Variants in CAPN15 observed in about 807,000 individuals in gnomAD.
CAPN15 encodes the protein calpain-15.
A neutral mutation model predicts 97.9 loss-of-function variants in CAPN15; 53 were observed. The observed-to-expected ratio is 0.54, with a 90% confidence interval of 0.43 to 0.68. The LOEUF (loss-of-function observed/expected upper bound fraction) is 0.68. Among genes scored for constraint, CAPN15 ranks in the 30% least tolerant of loss-of-function variants. CAPN15 has a pLI of 0.00. For missense variants in CAPN15, 1,592 were observed against 1,589.8 expected (o/e 1.00, Z -0.02); for synonymous variants, 922 against 722.5 (o/e 1.28, Z -4.43).
At chr16:528,571 C>G (rs781636349) in intron 1 of CAPN15, among the ~76,000 whole-genome samples, 1 of 152,228 alleles carries the variant, frequency 6.6e-6, no homozygotes, top group Non-Finnish European at 1.5e-5. Context: ...GCGGCACCAG[C>G]TGGGAAGTTG....
chr16:543,921 A>C (rs1035980376), intron 3 of CAPN15, among the ~76,000 whole-genome samples: 1 of 152,052 alleles, frequency 6.6e-6, no homozygotes, highest in Non-Finnish European at 1.5e-5. Flanking sequence ...GCTCCCCCAC[A>C]TGGATGAAGG....
In CAPN15 at chr16:533,985, T is replaced by G. The variant is rs1232711535; in HGVS notation, c.-150T>G. The G allele has an allele frequency of 2.4e-5, 24 of 985,300 alleles. No homozygotes were observed. Among genetic ancestry groups the G allele is most frequent in the Non-Finnish European group, 2.8e-5 (23 of 829,946 alleles). 61.0% of individuals were successfully genotyped at this position (985,300 alleles called of 1,614,324 possible). A position where few individuals can be genotyped will look rare whatever the true frequency, so the allele number is the denominator to read the frequency against. On this transcript the variant is annotated 5_prime_UTR_variant, in exon 2 of 14. Transcript: ENST00000219611. ...GCGGCACAGAGAGGGCCTGGGAGCT[T>G]GCTGCAGCTTCAGGTGAGTTTGTTC... is the stretch of plus-strand genomic sequence containing the variant.
chr16:546,964 C>T lies in CAPN15; in HGVS notation c.126C>T (p.Ser42=), dbSNP rs369617569. 447 of 1,610,230 alleles carry T rather than the reference C, an allele frequency of 2.8e-4. No homozygotes were observed. The highest frequency in any genetic ancestry group is 3.7e-4 in the Non-Finnish European group (434 of 1,179,900). The change falls in exon 4 of 14, where the codon AGC becomes AGT. Residue 42 remains serine, a synonymous_variant. Coordinates refer to ENST00000219611, the MANE Select transcript of CAPN15 (RefSeq NM_005632.3). ...ACCTCAACCACATCCTGCGGCTCAG[C>T]GTGGAGGAGCAGAAATGGCCCTGCG... ...KPDLNHILRL[S]VEEQKWPCAR... is the part of the protein sequence containing the mutation.
chr16:533,965 A>G lies in CAPN15; in HGVS notation c.-170A>G, dbSNP rs1036693248. 1.8e-4 allele frequency: 179 copies of G among 985,348 alleles called. No individual in the cohort carries two copies. The highest frequency in any genetic ancestry group is 2.5e-4 in the Admixed American group (4 of 16,268). The allele number at this position is 985,348 out of a possible 1,614,324, so 61.0% of individuals were successfully genotyped here. ...TTCTAGGCAGCAGCCCAGACGCGGC[A>G]CAGAGAGGGCCTGGGAGCTTGCTGC... On this transcript the variant is annotated 5_prime_UTR_variant, in exon 2 of 14. Coordinates refer to ENST00000219611, the MANE Select transcript of CAPN15 (RefSeq NM_005632.3).
chr16:536,659 C>T (rs1021752510), intron 3 of CAPN15, among the ~76,000 whole-genome samples: 2 of 152,146 alleles, frequency 1.3e-5, no homozygotes, highest in East Asian at 3.9e-4. Flanking sequence ...CTCCTGACCT[C>T]GTGATCCACC....
In CAPN15 at chr16:552,403, C is replaced by T. The variant is rs73481377; in HGVS notation, c.2610C>T (p.Ala870=). The T allele has an allele frequency of 5.0e-6, 8 of 1,608,300 alleles. No individual in the cohort carries two copies. The South Asian group carries it at 5.5e-5, about 11-fold the overall frequency. ...GGHLSLGRLL[A]HSKRAVKKFV... ...ACCTCAGCCTGGGCCGCCTCCTGGC[C>T]CACAGTAAGCGCGCGGTCAAGAAGT... Residue 870 remains alanine, a synonymous_variant, in exon 11 of 14, where the codon GCC becomes GCT. Coordinates refer to ENST00000219611, the MANE Select transcript of CAPN15 (RefSeq NM_005632.3). This position sits in a 1 kb window ranked among gnomAD's most constrained non-coding sequence, Gnocchi z 6.4.
chr16:528,627 C>A (rs2033023509), intron 1 of CAPN15: 2 of 691,750 alleles, frequency 2.9e-6, no homozygotes, highest in African/African-American at 1.9e-5. Flanking sequence ...CCCCTCTAGT[C>A]CTGACCGGGG....
At chr16:531,851 C>T (rs2033287013) in intron 1 of CAPN15, among the ~76,000 whole-genome samples, 1 of 152,204 alleles carries the variant, frequency 6.6e-6, no homozygotes, top group African/African-American at 2.4e-5. Context: ...CCGGGCTGCC[C>T]AGACCAGGGC....
Position 554,265 on chromosome 16 carries a change from A to G in CAPN15, c.*749A>G. ...CCCTGCCAGAGAGGGACCCCAGCAC[A>G]TCGTGGGCACGGGCAGGGCTCAGCC... On this transcript the variant is annotated 3_prime_UTR_variant, in exon 14 of 14. Transcript: ENST00000219611. 1 of 342,520 alleles carries G rather than the reference A, an allele frequency of 2.9e-6. No homozygotes were observed. Among genetic ancestry groups the G allele is most frequent in the Non-Finnish European group, 5.8e-6 (1 of 173,836 alleles). The allele number at this position is 342,520 out of a possible 1,614,324, so 21.2% of individuals were successfully genotyped here.
chr16:530,412 C>T lies in CAPN15; in HGVS notation c.-190+2383C>T, dbSNP rs150383783. On this transcript the variant is annotated intron_variant, in intron 1 of 13. Coordinates refer to ENST00000219611, the MANE Select transcript of CAPN15 (RefSeq NM_005632.3). The stretch of plus-strand genomic sequence containing the variant: ...CCTGGGTTCTGGCAGCCCAGGGGGA[C>T]TCCTGCGTGCTCCAGGAAAGTAGCA... 4.3e-3 allele frequency among the ~76,000 whole-genome samples: 659 copies of T among 152,366 alleles called. 4 individuals are homozygous for T. Among genetic ancestry groups the T allele is most frequent in the African/African-American group, 0.015 (621 of 41,588 alleles).
At chr16:530,549 G>A (rs2033177207) in intron 1 of CAPN15, among the ~76,000 whole-genome samples, 1 of 152,218 alleles carries the variant, frequency 6.6e-6, no homozygotes, top group South Asian at 2.1e-4. Flanking sequence ...GCTGCAGGGA[G>A]GCTGTGGGTT....
intron 7 of CAPN15, 140 bp from the exon 8 acceptor site, chr16:551,162 C>T (rs548788182): frequency 4.4e-5 from 59 of 1,334,864 alleles, no homozygotes; most frequent in East Asian, 3.2e-4. Flanking sequence ...GGCGCCCCGT[C>T]GGTGAGGGTC....
In CAPN15 at chr16:554,408, A is replaced by C. The variant is rs2035307435; in HGVS notation, c.*892A>C. ...CGGCCTCGCCCCCACTCCCCCTCCT[A>C]CCCCGGCAGGGGCTTCCGGGGCCTT... On this transcript the variant is annotated 3_prime_UTR_variant, in exon 14 of 14. Coordinates refer to ENST00000219611, the MANE Select transcript of CAPN15 (RefSeq NM_005632.3). 2.3e-6 allele frequency: 1 copy of C among 426,980 alleles called. No individual in the cohort carries two copies. 26.4% of individuals were successfully genotyped at this position (426,980 alleles called of 1,614,324 possible).
intron 3 of CAPN15, 80 bp from the exon 4 acceptor site, chr16:546,737 C>T: frequency 6.8e-7 from 1 of 1,464,116 alleles, no homozygotes; most frequent in East Asian, 2.5e-5. Context: ...AGACGGGTGC[C>T]TTCCCCAGGC....
intron 1 of CAPN15, among the ~76,000 whole-genome samples, chr16:530,841 G>C (rs1428087915): frequency 1.7e-4 from 26 of 152,242 alleles, no homozygotes; most frequent in Non-Finnish European, 2.9e-5. Flanking sequence ...GGGCCTGCCT[G>C]AGTGCTGCAT....
rs773148000 is a variant in CAPN15 at position 548,111 on chromosome 16, A to G, written c.1273A>G (p.Asn425Asp). The change falls in exon 4 of 14, where the codon AAC becomes GAC. Residue 425 changes from asparagine (N) to aspartate (D), a missense_variant. Physicochemically the swap from Asn to Asp is conservative, Grantham distance 23 (BLOSUM62 1). Around this residue, in one of 3 missense-constraint regions of CAPN15, gnomAD observed 883 missense variants for 776.6 expected, o/e 1.14. Transcript: ENST00000219611. Reference protein sequence around the residue: ...QWACPACTLLNALRAKHCAAC... With the variant: ...QWACPACTLLDALRAKHCAAC... The stretch of plus-strand genomic sequence containing the variant: ...GGCCTGCCCTGCCTGTACCCTGCTC[A>G]ACGCACTGCGGGCCAAGCACTGCGC... 3 of 1,538,250 alleles carry G rather than the reference A, an allele frequency of 2.0e-6. No individual in the cohort carries two copies. The highest frequency in any genetic ancestry group is 4.8e-5 in the East Asian group (2 of 41,310).
intron 3 of CAPN15, among the ~76,000 whole-genome samples, chr16:541,896 G>A (rs2142001964): frequency 8.4e-6 from 1 of 119,202 alleles, no homozygotes; most frequent in South Asian, 3.5e-4. Flanking sequence ...GTGCGTGGAT[G>A]TGGGGCCACA....
At position 554,477 on chromosome 16, in the gene CAPN15, C is replaced by T. The variant is rs2035310069; in HGVS notation, c.*961C>T. 2.2e-6 allele frequency: 1 copy of T among 454,810 alleles called. No homozygotes were observed. Among genetic ancestry groups the T allele is most frequent in the African/African-American group, 2.0e-5 (1 of 50,168 alleles). The allele number at this position is 454,810 out of a possible 1,614,324, so 28.2% of individuals were successfully genotyped here. A position where few individuals can be genotyped will look rare whatever the true frequency, so the allele number is the denominator to read the frequency against. ...CCCACTCCCCTTTGGCCTCCCTGTA[C>T]TCTGAGCTGTGAATATTTTTAACCC... On this transcript the variant is annotated 3_prime_UTR_variant, in exon 14 of 14. Coordinates refer to ENST00000219611, the MANE Select transcript of CAPN15 (RefSeq NM_005632.3).
In CAPN15 at chr16:547,262, G is replaced by A; in HGVS notation, c.424G>A (p.Glu142Lys). 2 of 1,508,894 alleles carry A rather than the reference G, an allele frequency of 1.3e-6. No individual in the cohort carries two copies. Among genetic ancestry groups the A allele is most frequent in the Non-Finnish European group, 8.8e-7 (1 of 1,134,016 alleles). 93.5% of individuals were successfully genotyped at this position (1,508,894 alleles called of 1,614,324 possible). The change falls in exon 4 of 14, where the codon GAG becomes AAG. Residue 142 changes from glutamate (E) to lysine (K), a missense_variant. Physicochemically the swap from Glu to Lys is moderately conservative, Grantham distance 56 (BLOSUM62 1). Around this residue, in one of 3 missense-constraint regions of CAPN15, gnomAD observed 883 missense variants for 776.6 expected, o/e 1.14. Coordinates refer to ENST00000219611, the MANE Select transcript of CAPN15 (RefSeq NM_005632.3). ...EEQEEEEGAA[E>K]PRGGWACPRC... is the part of the protein sequence containing the mutation. ...GCAGGAGGAGGAGGAGGGAGCGGCG[G>A]AGCCCAGAGGGGGCTGGGCGTGTCC... is the stretch of plus-strand genomic sequence containing the variant.
Sources: gnomAD v4.1 joint callset for allele counts (sites outside exome capture counted in the v4.1 genomes callset) on GRCh38, gnomAD v4.1.1 for gene constraint, gnomAD v4.1.1 regional missense constraint, Gnocchi (gnomAD v3.1) non-coding constraint, MANE v1.5 for transcripts, NCBI Gene and HGNC (gene_info 2026-07-23, HGNC 2026-07-21) for gene names.